Variants in PLB1 observed in about 807,000 individuals in gnomAD.
PLB1 encodes phospholipase B1, membrane-associated.
A neutral mutation model predicts 227.4 loss-of-function variants in PLB1; 242 were observed. The ratio of observed to expected loss-of-function variants is 1.06; its 90% CI spans 0.96 to 1.18. The LOEUF is 1.18. Ranked by LOEUF, PLB1 falls within the 50% of genes most tolerant of loss-of-function variation. The pLI, the probability that PLB1 is intolerant of heterozygous loss-of-function variation, is 0.00. For synonymous variants in PLB1, 757 were observed against 682.2 expected (o/e 1.11, Z -1.71); for missense variants, 1,858 against 1,816.3 (o/e 1.02, Z -0.42).
intron 1 of PLB1, among the ~76,000 whole-genome samples, chr2:28,501,070 A>G (rs1318318630): frequency 6.6e-6 from 1 of 152,204 alleles, no homozygotes; most frequent in African/African-American, 2.4e-5. Flanking sequence ...CTGAAGTGTT[A>G]TTGTCTAGGC....
intron 11 of PLB1, 90 bp downstream of exon 11, chr2:28,539,268 A>G: frequency 8.4e-7 from 1 of 1,194,748 alleles, no homozygotes; most frequent in Non-Finnish European, 1.2e-6. Context: ...GTAATCTATG[A>G]GGGAGCCCTA....
At chr2:28,591,199 C>T (rs764285462) in intron 30 of PLB1, 28 bp downstream of exon 30, 2 of 1,613,848 alleles carry the variant, frequency 1.2e-6, no homozygotes, top group Non-Finnish European at 1.7e-6. Flanking sequence ...CCTCTTGACT[C>T]ACCAGGCAAT....
At chr2:28,625,033 C>T in intron 49 of PLB1, 24 bp from the exon 50 acceptor site, 5 of 1,611,864 alleles carry the variant, frequency 3.1e-6, no homozygotes, top group African/African-American at 1.3e-5. Context: ...GGCACTAACG[C>T]CCCTCTCTCT....
chr2:28,597,871 G>A (rs1477834774), intron 33 of PLB1, 134 bp from the exon 34 acceptor site: 1 of 824,622 alleles, frequency 1.2e-6, no homozygotes, highest in East Asian at 2.5e-5. Context: ...CTCAAACTCA[G>A]AGATGGGTCT....
intron 26 of PLB1, 131 bp from the exon 27 acceptor site, chr2:28,589,319 A>C: frequency 1.5e-6 from 1 of 677,996 alleles, no homozygotes; most frequent in Admixed American, 2.7e-5. Flanking sequence ...ATCTCAGTTG[A>C]GATTTTGCAC....
chr2:28,628,459 A>G, intron 51 of PLB1, 104 bp from the exon 52 acceptor site: 1 of 986,722 alleles, frequency 1.0e-6, no homozygotes, highest in Non-Finnish European at 1.6e-6. Flanking sequence ...GCCCCTCTGT[A>G]CCCACTCAGT....
rs1679092338 is a variant in PLB1, at chr2:28,577,105, GAAGGTATGTT to G, written c.1434-1000_1434-991del. On this transcript the variant is annotated intron_variant, in intron 21 of 57. Coordinates refer to ENST00000327757, the MANE Select transcript of PLB1 (RefSeq NM_153021.5). ...TTAATTTCCCCAACAACTCTGTGAA[GAAGGTATGTT>G]ACCATGCTCATTTCCCAAAGGGAAA... Among the ~76,000 whole-genome samples, 3 of 152,216 alleles carry G rather than the reference GAAGGTATGTT, an allele frequency of 2.0e-5. No individual in the cohort carries two copies. The South Asian group carries it at 6.2e-4, about 31-fold the overall frequency.
intron 9 of PLB1, among the ~76,000 whole-genome samples, chr2:28,536,155 T>C (rs900994826): frequency 1.5e-4 from 23 of 152,208 alleles, no homozygotes; most frequent in African/African-American, 5.5e-4. Flanking sequence ...GTGGAGACCT[T>C]TGGGCTCATT....
chr2:28,573,834 A>G (rs1267872728), intron 21 of PLB1, among the ~76,000 whole-genome samples: 1 of 152,206 alleles, frequency 6.6e-6, no homozygotes, highest in Non-Finnish European at 1.5e-5. Context: ...GGCAGTCATG[A>G]AGCTCAAATG....
rs1328759042 is a variant in PLB1 at position 28,632,977 on chromosome 2, G to A, written c.4036G>A (p.Asp1346Asn). ...GDTDLTFFSE[D>N]CFHFSDRGHA... Reference sequence around the variant, plus strand: ...CACTGACCTCACCTTCTTCTCCGAGGACTGTTTTCACTTCTCAGACCGCGG... The same window carrying A: ...CACTGACCTCACCTTCTTCTCCGAGAACTGTTTTCACTTCTCAGACCGCGG... The change falls in exon 56 of 58, where the codon GAC becomes AAC. Residue 1346 changes from aspartate to asparagine, a missense_variant. Transcript: ENST00000327757. 6.2e-7 allele frequency: 1 copy of A among 1,606,516 alleles called. No individual in the cohort carries two copies. The highest frequency in any genetic ancestry group is 1.1e-5 in the South Asian group (1 of 91,078).
chr2:28,575,194 T>C (rs996528527), intron 21 of PLB1, among the ~76,000 whole-genome samples: 5 of 152,244 alleles, frequency 3.3e-5, no homozygotes, highest in African/African-American at 1.2e-4. Context: ...TTTGACTTTT[T>C]AATTATGGCT....
At chr2:28,549,164 C>T (rs1380760789) in intron 15 of PLB1, among the ~76,000 whole-genome samples, 1 of 152,168 alleles carries the variant, frequency 6.6e-6, no homozygotes, top group Non-Finnish European at 1.5e-5. Flanking sequence ...GGCATAGGAA[C>T]AAGGCCACAG....
intron 1 of PLB1, among the ~76,000 whole-genome samples, chr2:28,511,352 G>T (rs1268245882): frequency 6.6e-6 from 1 of 152,048 alleles, no homozygotes; most frequent in South Asian, 2.1e-4. Flanking sequence ...TTCTTGTCTA[G>T]AGGGACATAT....
rs992287727 is a variant in PLB1, at chr2:28,600,686, T to G, written c.2475-123T>G. ...GCAAGTCACTCCTGGTTTCTGAGCC[T>G]CGGGATCTCTGCCAGCTCATGCAGT... On this transcript the variant is annotated intron_variant, in intron 35 of 57. Coordinates refer to ENST00000327757, the MANE Select transcript of PLB1 (RefSeq NM_153021.5). 3 of 856,530 alleles carry G rather than the reference T, an allele frequency of 3.5e-6. No homozygotes were observed. The South Asian group carries it at 4.6e-5, about 13-fold the overall frequency. 53.1% of individuals were successfully genotyped at this position (856,530 alleles called of 1,614,324 possible).
At chr2:28,602,677 G>T in intron 38 of PLB1, 144 bp from the exon 39 acceptor site, 1 of 708,612 alleles carries the variant, frequency 1.4e-6, no homozygotes, top group Non-Finnish European at 2.4e-6. Context: ...GGCCCTACGA[G>T]GTAGCCCTGT....
intron 33 of PLB1, chr2:28,593,967 T>G (rs754195774): frequency 2.7e-6 from 2 of 743,184 alleles, no homozygotes; most frequent in East Asian, 2.5e-5. Flanking sequence ...TTTTTGATTG[T>G]GCAGAGAAAG....
rs1373111308 is a variant in PLB1, at chr2:28,605,886, G to A, written c.2995G>A (p.Asp999Asn). 6.2e-7 allele frequency: 1 copy of A among 1,613,922 alleles called. No homozygotes were observed. The highest frequency in any genetic ancestry group is 1.3e-5 in the African/African-American group (1 of 75,008). Reference sequence around the variant, plus strand: ...CCCAGATACGTCCTTCTTTGCCCCAGACTGCATCCACCCAAATCAGAAATT... The same window carrying A: ...CCCAGATACGTCCTTCTTTGCCCCAAACTGCATCCACCCAAATCAGAAATT... ...GLPDTSFFAP[D>N]CIHPNQKFHS... Residue 999 changes from aspartate to asparagine, a missense_variant, in exon 42 of 58, where the codon GAC becomes AAC. Transcript: ENST00000327757.
At chr2:28,639,437 G>A (rs563839158) in intron 56 of PLB1, among the ~76,000 whole-genome samples, 25 of 152,210 alleles carry the variant, frequency 1.6e-4, no homozygotes, top group Non-Finnish European at 3.1e-4. Context: ...GCTGGAGCGA[G>A]CAGCAGAGAG....
chr2:28,552,208 G>T (rs1429228108), intron 16 of PLB1, among the ~76,000 whole-genome samples: 1 of 152,162 alleles, frequency 6.6e-6, no homozygotes, highest in East Asian at 1.9e-4. Flanking sequence ...GCTTTCCAAA[G>T]GATACCCACG....
Sources: allele counts gnomAD v4.1 joint callset (sites outside exome capture counted in the v4.1 genomes callset), GRCh38; gene constraint gnomAD v4.1.1; transcripts MANE v1.5; gene names NCBI Gene and HGNC (gene_info 2026-07-23, HGNC 2026-07-21).